Variants in KLRC2 observed in about 807,000 individuals in gnomAD.
The protein encoded by KLRC2 is killer cell lectin like receptor C2, also known as NKG2-C type II integral membrane protein.
Under a neutral mutation model 25.5 loss-of-function variants are expected in KLRC2, and 10 were observed. The ratio of observed to expected loss-of-function variants is 0.39; its 90% confidence interval spans 0.24 to 0.67. The LOEUF (loss-of-function observed/expected upper bound fraction) is 0.67, where lower values mean the gene tolerates loss of function less well. KLRC2 is among the 30% of genes least tolerant of loss of function. The pLI is 0.45. For synonymous variants in KLRC2, 48 were observed against 93.3 expected, an observed-to-expected ratio of 0.51 and a Z score of 2.80; for missense variants, 170 against 272.8, an observed-to-expected ratio of 0.62 and a Z score of 2.65.
At chr12:10,433,546 G>C (rs1458197362) in intron 4 of KLRC2, among the ~76,000 whole-genome samples, 1 of 141,592 alleles carries the variant, frequency 7.1e-6, no homozygotes, top group Non-Finnish European at 1.5e-5. Flanking sequence ...AAATTAGATA[G>C]CAAAATTTAT....
intron 5 of KLRC2, 34 bp downstream of exon 5, chr12:10,432,072 T>C (rs765783029): frequency 2.2e-6 from 3 of 1,368,608 alleles, no homozygotes; most frequent in Non-Finnish European, 3.0e-6. Flanking sequence ...CCTTTATATA[T>C]ATTTTTTATA....
intron 2 of KLRC2, chr12:10,435,064 T>A: frequency 1.8e-6 from 2 of 1,101,372 alleles, no homozygotes; most frequent in Non-Finnish European, 2.4e-6. Context: ...TTAAAATGAT[T>A]TTTATAAAAA....
intron 2 of KLRC2, chr12:10,434,984 T>G: frequency 1.1e-6 from 1 of 923,616 alleles, no homozygotes; most frequent in South Asian, 1.6e-5. Context: ...ACTTTGAAAA[T>G]AAAAATGTAC....
Position 10,431,118 on chromosome 12 carries a change from T to G in KLRC2, c.695A>C (p.Ter232SerextTer2). 9.2e-6 allele frequency: 14 copies of G among 1,514,876 alleles called. 2 individuals are homozygous for G. Among genetic ancestry groups the G allele is most frequent in the Non-Finnish European group, 1.2e-5 (13 of 1,105,696 alleles). 93.8% of individuals were successfully genotyped at this position (1,514,876 alleles called of 1,614,324 possible). Residue 232 changes from the stop codon to serine (S), a stop_lost, in exon 6 of 6, where the codon TAG becomes TCG. Transcript: ENST00000381902. Reference protein sequence around the residue: ...SMIYHCKHKL* With the variant: ...SMIYHCKHKLS ...ACTGCAAACGCAAATGCTTTACTTC[T>G]AAAGCTTATGCTTACAATGATATAT...
chr12:10,435,692 G>T, intron 1 of KLRC2, 108 bp downstream of exon 1: 1 of 1,250,010 alleles, frequency 8.0e-7, no homozygotes, highest in Non-Finnish European at 1.1e-6. Context: ...TCCCAATTAT[G>T]AACTCCGATT....
rs901731579 is a variant in KLRC2 at position 10,434,018 on chromosome 12, T to C, written c.332-76A>G. 1.3e-5 allele frequency: 20 copies of C among 1,489,272 alleles called. 1 individual carries two copies. Among genetic ancestry groups the C allele is most frequent in the African/African-American group, 1.5e-5 (1 of 66,276 alleles). The allele number at this position is 1,489,272 out of a possible 1,614,324, so 92.3% of individuals were successfully genotyped here. A position where few individuals can be genotyped will look rare whatever the true frequency, so the allele number is the denominator to read the frequency against. On this transcript the variant is annotated intron_variant, in intron 3 of 5. Transcript: ENST00000381902. ...AAAATTAGTTCACATATTTCAACAGTATAAACATATATGTGCTTAACATAT... is the reference window on the plus strand; with the variant it reads ...AAAATTAGTTCACATATTTCAACAGCATAAACATATATGTGCTTAACATAT...
chr12:10,431,771 T>C (rs2137872419), intron 5 of KLRC2, among the ~76,000 whole-genome samples: 1 of 93,322 alleles, frequency 1.1e-5, no homozygotes, highest in Middle Eastern at 5.4e-3. Context: ...CTTAAAACAT[T>C]CTGTGATTTT....
intron 4 of KLRC2, 100 bp downstream of exon 4, chr12:10,433,691 T>C (rs1591606648): frequency 4.1e-6 from 5 of 1,223,684 alleles, no homozygotes; most frequent in Non-Finnish European, 5.7e-6. Context: ...CTTGAAAATA[T>C]ATGAGATAAA....
Position 10,432,067 on chromosome 12 carries a change from ATATATATTTTT to A in KLRC2, c.584+28_584+38del. The A allele has an allele frequency of 1.5e-6, 2 of 1,334,412 alleles. 1 individual carries two copies. Among genetic ancestry groups the A allele is most frequent in the Non-Finnish European group, 2.1e-6 (2 of 968,036 alleles). The allele number at this position is 1,334,412 out of a possible 1,614,324, so 82.7% of individuals were successfully genotyped here. On this transcript the variant is annotated intron_variant, in intron 5 of 5. Coordinates refer to ENST00000381902, the MANE Select transcript of KLRC2 (RefSeq NM_002260.4). ...TATTATTCTTCTGAATTTATCCTTT[ATATATATTTTT>A]TATATAGCGCCATACAAAAGAACTT... is the stretch of plus-strand genomic sequence containing the variant.
chr12:10,434,090 T>C lies in KLRC2; in HGVS notation c.332-148A>G, dbSNP rs966554224. The C allele has an allele frequency of 1.5e-5, 18 of 1,236,162 alleles. 3 individuals are homozygous for C. The highest frequency in any genetic ancestry group is 1.5e-5 in the Non-Finnish European group (14 of 907,640). 76.6% of individuals were successfully genotyped at this position (1,236,162 alleles called of 1,614,324 possible). On this transcript the variant is annotated intron_variant, in intron 3 of 5. Coordinates refer to ENST00000381902, the MANE Select transcript of KLRC2 (RefSeq NM_002260.4). ...TAAATGTATATTTTTAATAACTGAG[T>C]CAGTCATACACACATGCACAGACAA...
chr12:10,433,427 G>T lies in KLRC2; in HGVS notation c.483+364C>A, dbSNP rs1444200326. Among the ~76,000 whole-genome samples, 4 of 141,644 alleles carry T rather than the reference G, an allele frequency of 2.8e-5. 1 individual carries two copies. The highest frequency in any genetic ancestry group is 1.1e-4 in the African/African-American group (4 of 37,056). The allele number at this position is 141,644 out of a possible 152,430, so 92.9% of individuals were successfully genotyped here. On this transcript the variant is annotated intron_variant, in intron 4 of 5. Transcript: ENST00000381902. ...GGATAAGTGATGAGGGCATACACAG[G>T]GGTGGAACTGCTAGAGCTGGAAACT... is the stretch of plus-strand genomic sequence containing the variant.
chr12:10,431,246 C>A lies in KLRC2; in HGVS notation c.585-18G>T, dbSNP rs774627587. ...CTTTTATCCTGTAATGGAGAAAAAT[C>A]CATTTTCTGTTACATTTTAAGCAAA... On this transcript the variant is annotated intron_variant, in intron 5 of 5. Transcript: ENST00000381902. The A allele has an allele frequency of 2.6e-6, 4 of 1,522,982 alleles. No individual in the cohort carries two copies. Among genetic ancestry groups the A allele is most frequent in the South Asian group, 1.1e-5 (1 of 88,552 alleles). The allele number at this position is 1,522,982 out of a possible 1,614,324, so 94.3% of individuals were successfully genotyped here. A position where few individuals can be genotyped will look rare whatever the true frequency, so the allele number is the denominator to read the frequency against.
rs1240996013 is a variant in KLRC2 at position 10,433,660 on chromosome 12, A to G, written c.483+131T>C. 3 of 1,012,994 alleles carry G rather than the reference A, an allele frequency of 3.0e-6. No individual in the cohort carries two copies. In the East Asian group the frequency reaches 8.8e-5, roughly 30 times the overall value. 62.8% of individuals were successfully genotyped at this position (1,012,994 alleles called of 1,614,324 possible). A position where few individuals can be genotyped will look rare whatever the true frequency, so the allele number is the denominator to read the frequency against. Reference sequence around the variant, plus strand: ...TAACTTTAAAAACATTATTAAGTCAATCAATTGAATATTACATACACTTGA... The same window carrying G: ...TAACTTTAAAAACATTATTAAGTCAGTCAATTGAATATTACATACACTTGA... On this transcript the variant is annotated intron_variant, in intron 4 of 5. Transcript: ENST00000381902.
In KLRC2 at chr12:10,434,687, C is replaced by A. The variant is rs540081984; in HGVS notation, c.287-157G>T. Among the ~76,000 whole-genome samples the A allele has an allele frequency of 4.1e-5, 6 of 147,252 alleles. No individual in the cohort carries two copies. In the South Asian group the frequency reaches 8.5e-4, roughly 21 times the overall value. On this transcript the variant is annotated intron_variant, in intron 2 of 5. Transcript: ENST00000381902. ...CTATAAAAATATATAAAGTAATAGACCTTTGAAATAAACATTTTTAAAGAC... is the reference window on the plus strand; with the variant it reads ...CTATAAAAATATATAAAGTAATAGAACTTTGAAATAAACATTTTTAAAGAC...
At position 10,430,996 on chromosome 12, in the gene KLRC2, T is replaced by G. The variant is rs1319524436; in HGVS notation, c.*121A>C. On this transcript the variant is annotated 3_prime_UTR_variant, in exon 6 of 6. Transcript: ENST00000381902. Reference sequence around the variant, plus strand: ...GTGTGCATCCTATTTCAATAATTGATTTAGAATTTTTGTATCAGAGCAAAT... The same window carrying G: ...GTGTGCATCCTATTTCAATAATTGAGTTAGAATTTTTGTATCAGAGCAAAT... 1 of 1,170,854 alleles carries G rather than the reference T, an allele frequency of 8.5e-7. No individual in the cohort carries two copies. Among genetic ancestry groups the G allele is most frequent in the Non-Finnish European group, 1.1e-6 (1 of 873,662 alleles). The allele number at this position is 1,170,854 out of a possible 1,614,324, so 72.5% of individuals were successfully genotyped here. A position where few individuals can be genotyped will look rare whatever the true frequency, so the allele number is the denominator to read the frequency against.
Position 10,431,052 on chromosome 12 carries a change from A to T in KLRC2, c.*65T>A. On this transcript the variant is annotated 3_prime_UTR_variant, in exon 6 of 6. Transcript: ENST00000381902. ...AATTCATTTTCAGATTTATGCAATC[A>T]TAATATTTCTATTTTAAGAAATATA... 1 of 1,233,022 alleles carries T rather than the reference A, an allele frequency of 8.1e-7. No individual in the cohort carries two copies. Among genetic ancestry groups the T allele is most frequent in the Non-Finnish European group, 1.1e-6 (1 of 890,776 alleles). 76.4% of individuals were successfully genotyped at this position (1,233,022 alleles called of 1,614,324 possible). A position where few individuals can be genotyped will look rare whatever the true frequency, so the allele number is the denominator to read the frequency against.
chr12:10,434,343 G>A, intron 3 of KLRC2, 143 bp downstream of exon 3: 1 of 646,146 alleles, frequency 1.5e-6, no homozygotes, highest in East Asian at 3.3e-5. Context: ...AGGAAATGCT[G>A]CCTCATAATC....
intron 4 of KLRC2, among the ~76,000 whole-genome samples, chr12:10,432,967 C>G (rs572630161): frequency 2.1e-5 from 3 of 139,900 alleles, no homozygotes; most frequent in Admixed American, 1.4e-4. Context: ...CAATACCAGG[C>G]AAGGCTGGTG....
intron 3 of KLRC2, chr12:10,434,167 CAA>C: frequency 1.4e-6 from 1 of 738,498 alleles, no homozygotes; most frequent in South Asian, 1.6e-5. Context: ...AATGAACAAA[CAA>C]AAATACACTC....
Sources: gnomAD v4.1 joint callset for allele counts (sites outside exome capture counted in the v4.1 genomes callset) on GRCh38, gnomAD v4.1.1 for gene constraint, MANE v1.5 for transcripts, NCBI Gene and HGNC (gene_info 2026-07-23, HGNC 2026-07-21) for gene names.